NKAIN3: variants seen among roughly 807,000 people sequenced by gnomAD.
NKAIN3 encodes sodium/potassium-transporting ATPase subunit beta-1-interacting protein 3.
A neutral mutation model predicts 30.2 loss-of-function variants in NKAIN3; 25 were observed. The ratio of observed to expected loss-of-function variants is 0.83; its 90% confidence interval spans 0.60 to 1.16. NKAIN3 has a LOEUF of 1.16. NKAIN3 is among the 50% of genes most tolerant of loss of function. NKAIN3 has a pLI of 0.00. For synonymous variants in NKAIN3, 91 were observed against 89.6 expected (o/e 1.02, Z -0.09); for missense variants, 225 against 254.1 (o/e 0.89, Z 0.78).
intron 1 of NKAIN3, among the ~76,000 whole-genome samples, chr8:62,411,173 C>T (rs926227118): frequency 3.3e-5 from 5 of 152,102 alleles, no homozygotes; most frequent in African/African-American, 9.7e-5. Context: ...AAACCAAATC[C>T]CGCAACATAT....
chr8:62,989,764 G>T (rs1384158200), downstream of NKAIN3, among the ~76,000 whole-genome samples: 2 of 152,144 alleles, frequency 1.3e-5, no homozygotes. Context: ...GAAGATGTTG[G>T]TTCTACTTGG....
chr8:62,968,822 C>T lies in NKAIN3; in HGVS notation c.*3415C>T, dbSNP rs530018544. The stretch of plus-strand genomic sequence containing the variant: ...GCACCGCAGGAAGCTGGGATGCTTT[C>T]GAGCTTACTTTTTCTTTATTTGAGC... On this transcript the variant is annotated 3_prime_UTR_variant, in exon 7 of 7. Coordinates refer to ENST00000623646, the MANE Select transcript of NKAIN3 (RefSeq NM_001304533.3). Among the ~76,000 whole-genome samples the T allele has an allele frequency of 1.6e-4, 25 of 151,830 alleles. No individual in the cohort carries two copies. The highest frequency in any genetic ancestry group is 2.5e-4 in the Non-Finnish European group (17 of 67,894).
In NKAIN3 at chr8:62,746,886, G is replaced by A. The variant is rs75287413; in HGVS notation, c.274-46G>A. ...CTAAGGTCAAAGTCAAAGACGTGAT[G>A]TAATACAATTTCCTCATTTTGCTCT... is the stretch of plus-strand genomic sequence containing the variant. On this transcript the variant is annotated intron_variant, in intron 3 of 6. Coordinates refer to ENST00000623646, the MANE Select transcript of NKAIN3 (RefSeq NM_001304533.3). 1.1e-3 allele frequency: 1,536 copies of A among 1,369,824 alleles called. 9 individuals are homozygous for A. The African/African-American group carries it at 0.018, about 16-fold the overall frequency. 84.9% of individuals were successfully genotyped at this position (1,369,824 alleles called of 1,614,324 possible).
intron 3 of NKAIN3, among the ~76,000 whole-genome samples, chr8:62,592,775 GAT>G (rs1810693396): frequency 6.6e-6 from 1 of 151,746 alleles, no homozygotes; most frequent in African/African-American, 2.4e-5. Flanking sequence ...CTATGTAAAC[GAT>G]AATCAGAAGA....
At chr8:62,345,449 ACATATG>A (rs1312059415) in intron 1 of NKAIN3, among the ~76,000 whole-genome samples, 1 of 121,072 alleles carries the variant, frequency 8.3e-6, no homozygotes, top group Admixed American at 8.7e-5. Context: ...ATATATACAC[ACATATG>A]TATATATACA....
intron 4 of NKAIN3, among the ~76,000 whole-genome samples, chr8:62,883,926 G>T (rs193142889): frequency 6.0e-4 from 91 of 152,094 alleles, no homozygotes; most frequent in African/African-American, 2.1e-3. Context: ...TTATAAATGG[G>T]TATTGGATTT....
At chr8:62,719,000 C>T (rs1456977126) in intron 3 of NKAIN3, among the ~76,000 whole-genome samples, 1 of 152,046 alleles carries the variant, frequency 6.6e-6, no homozygotes, top group African/African-American at 2.4e-5. Context: ...GTAAAATCAG[C>T]GGGCAACACA....
chr8:62,990,052 G>T, intron 5 of NKAIN3: 1 of 569,800 alleles, frequency 1.8e-6, no homozygotes, highest in South Asian at 2.5e-5. Context: ...TTGATTTCAG[G>T]CACTTATATT....
chr8:62,382,660 C>T (rs1001066852), intron 1 of NKAIN3, among the ~76,000 whole-genome samples: 6 of 152,152 alleles, frequency 3.9e-5, no homozygotes, highest in South Asian at 4.1e-4. Flanking sequence ...AATGTCAATT[C>T]GTTTTCTGGC....
At chr8:62,925,468 C>T (rs373269784) in intron 5 of NKAIN3, among the ~76,000 whole-genome samples, 2 of 152,148 alleles carry the variant, frequency 1.3e-5, no homozygotes, top group East Asian at 1.9e-4. Flanking sequence ...ATATTATGCA[C>T]TTACATTATC....
intron 2 of NKAIN3, among the ~76,000 whole-genome samples, chr8:62,583,279 C>T (rs1810361960): frequency 1.3e-5 from 2 of 152,136 alleles, no homozygotes; most frequent in East Asian, 1.9e-4. Flanking sequence ...TCTCTCCCTC[C>T]TCCCTCCTAT....
At chr8:62,686,927 C>T (rs1586088981) in intron 3 of NKAIN3, among the ~76,000 whole-genome samples, 1 of 152,050 alleles carries the variant, frequency 6.6e-6, no homozygotes, top group Non-Finnish European at 1.5e-5. Context: ...GGTGTTTACC[C>T]AAGGCTAACA....
intron 1 of NKAIN3, among the ~76,000 whole-genome samples, chr8:62,381,802 C>A (rs753649564): frequency 5.9e-5 from 9 of 151,584 alleles, no homozygotes; most frequent in Non-Finnish European, 1.3e-4. Flanking sequence ...ATAAGTTTTT[C>A]CCTAGGCATG....
At chr8:62,319,687 G>A (rs1357834039) in intron 1 of NKAIN3, among the ~76,000 whole-genome samples, 1 of 152,146 alleles carries the variant, frequency 6.6e-6, no homozygotes, top group South Asian at 2.1e-4. Flanking sequence ...TTGCACTGTG[G>A]TCTAAGAGAC....
At chr8:62,528,654 A>G (rs1471338275) in intron 1 of NKAIN3, among the ~76,000 whole-genome samples, 1 of 151,988 alleles carries the variant, frequency 6.6e-6, no homozygotes, top group East Asian at 1.9e-4. Context: ...CAGAGGTGAA[A>G]AGAAGCATAT....
At chr8:62,944,341 T>A (rs1303244055) in intron 5 of NKAIN3, among the ~76,000 whole-genome samples, 1 of 152,168 alleles carries the variant, frequency 6.6e-6, no homozygotes, top group African/African-American at 2.4e-5. Flanking sequence ...TAGTATAAGT[T>A]CTTCAACTTG....
At chr8:62,486,237 G>A (rs1806897957) in intron 1 of NKAIN3, among the ~76,000 whole-genome samples, 1 of 152,140 alleles carries the variant, frequency 6.6e-6, no homozygotes, top group Non-Finnish European at 1.5e-5. Context: ...GACAGATAGA[G>A]TGGACGTTCT....
intron 4 of NKAIN3, among the ~76,000 whole-genome samples, chr8:62,799,199 TTCA>T (rs1188350839): frequency 1.3e-5 from 2 of 152,100 alleles, no homozygotes; most frequent in African/African-American, 4.8e-5. Flanking sequence ...CCAAAATAAT[TTCA>T]TCATGTTTGG....
At chr8:62,367,055 T>TA (rs1449776547) in intron 1 of NKAIN3, among the ~76,000 whole-genome samples, 1 of 152,236 alleles carries the variant, frequency 6.6e-6, no homozygotes, top group African/African-American at 2.4e-5. Context: ...TCAGAAAAGA[T>TA]ACTTGATATT....
Sources: allele counts gnomAD v4.1 joint callset (sites outside exome capture counted in the v4.1 genomes callset), GRCh38; gene constraint gnomAD v4.1.1; transcripts MANE v1.5; gene names NCBI Gene and HGNC (gene_info 2026-07-23, HGNC 2026-07-21).